LRFN2: variants seen among roughly 807,000 people sequenced by gnomAD.
LRFN2 encodes leucine rich repeat and fibronectin type III domain containing 2.
In LRFN2, 18 loss-of-function variants were observed where a neutral mutation model predicts 37.3. The observed-to-expected ratio is 0.48, with a 90% confidence interval of 0.33 to 0.72. LRFN2 has a LOEUF of 0.72. LRFN2 is among the 30% of genes least tolerant of loss of function. The probability of loss-of-function intolerance (pLI) is 0.02; values close to 1 mark genes in which losing one functional copy is unlikely to be tolerated. For missense variants in LRFN2, 1,006 were observed against 1,060.7 expected (o/e 0.95, Z 0.72); for synonymous variants, 556 against 466.6 (o/e 1.19, Z -2.47).
At chr6:40,446,936 GA>G (rs1457360505) in intron 1 of LRFN2, among the ~76,000 whole-genome samples, 3 of 31,122 alleles carry the variant, frequency 9.6e-5, no homozygotes, top group African/African-American at 2.1e-4. Flanking sequence ...CCTGAGGATG[GA>G]GCTGTGTCTC....
At chr6:40,468,211 G>T (rs1764516290) in intron 1 of LRFN2, among the ~76,000 whole-genome samples, 1 of 152,046 alleles carries the variant, frequency 6.6e-6, no homozygotes, top group South Asian at 2.1e-4. Flanking sequence ...GAAGCAATTG[G>T]TGAACAAGTC....
At chr6:40,469,585 T>C (rs1257413105) in intron 1 of LRFN2, among the ~76,000 whole-genome samples, 1 of 152,174 alleles carries the variant, frequency 6.6e-6, no homozygotes. Flanking sequence ...CCATTGCATT[T>C]CTCAGGCTCT....
At chr6:40,563,983 T>G (rs11753423) in intron 1 of LRFN2, among the ~76,000 whole-genome samples, 6,050 of 152,084 alleles carry the variant, frequency 0.04, 149 homozygotes, top group African/African-American at 0.053. Flanking sequence ...GTCCAGGCAC[T>G]GGGCTAAGTG....
intron 1 of LRFN2, among the ~76,000 whole-genome samples, chr6:40,572,251 G>A (rs1314278798): frequency 6.6e-6 from 1 of 152,178 alleles, no homozygotes; most frequent in Non-Finnish European, 1.5e-5. Flanking sequence ...CAATAAATTA[G>A]ATAATAAGTA....
At chr6:40,407,936 G>GTGAAGCATTT (rs1762882661) in intron 2 of LRFN2, 1 of 152,256 alleles carries the variant, frequency 6.6e-6, no homozygotes, top group Non-Finnish European at 1.5e-5. Flanking sequence ...CAGCAAATTT[G>GTGAAGCATTT]TGAAGCATTT....
rs1221138246 is a variant in LRFN2, at chr6:40,432,259, C to T, written c.855G>A (p.Val285=). Residue 285 remains valine (V), a synonymous_variant, in exon 2 of 3, where the codon GTG becomes GTA. Coordinates refer to ENST00000338305, the MANE Select transcript of LRFN2 (RefSeq NM_020737.3). ...YFWHVREEEF[V]CEPPLITQHT... ...GCTGGGTGATGAGAGGCGGCTCGCACACAAACTCCTCCTCACGCACATGCC... is the reference window on the plus strand; with the variant it reads ...GCTGGGTGATGAGAGGCGGCTCGCATACAAACTCCTCCTCACGCACATGCC... The T allele has an allele frequency of 6.2e-6, 10 of 1,614,026 alleles. 1 individual carries two copies. Among genetic ancestry groups the T allele is most frequent in the South Asian group, 4.4e-5 (4 of 91,074 alleles).
intron 1 of LRFN2, among the ~76,000 whole-genome samples, chr6:40,574,837 A>T (rs1767248269): frequency 6.6e-6 from 1 of 152,096 alleles, no homozygotes; most frequent in Non-Finnish European, 1.5e-5. Context: ...GGCTCCTTGG[A>T]GTCATGGGAC....
chr6:40,402,376 T>C (rs1400006884), intron 2 of LRFN2, among the ~76,000 whole-genome samples: 1 of 152,184 alleles, frequency 6.6e-6, no homozygotes, highest in East Asian at 1.9e-4. Context: ...CTGTATTACA[T>C]TGAATTGAAT....
intron 1 of LRFN2, among the ~76,000 whole-genome samples, chr6:40,497,396 C>T (rs924252530): frequency 6.6e-6 from 1 of 152,132 alleles, no homozygotes; most frequent in Non-Finnish European, 1.5e-5. Context: ...CTGCTCTGCC[C>T]CCCATTCTCT....
intron 1 of LRFN2, among the ~76,000 whole-genome samples, chr6:40,436,059 G>T (rs1436742505): frequency 6.6e-6 from 1 of 151,914 alleles, no homozygotes; most frequent in Non-Finnish European, 1.5e-5. Flanking sequence ...AAAAGAAACA[G>T]GTGAAATTAA....
chr6:40,560,107 A>G (rs942173251), intron 1 of LRFN2, among the ~76,000 whole-genome samples: 1 of 152,210 alleles, frequency 6.6e-6, no homozygotes, highest in Non-Finnish European at 1.5e-5. Context: ...TTTGAGAACT[A>G]TTCATTTCTA....
intron 1 of LRFN2, among the ~76,000 whole-genome samples, chr6:40,542,555 G>C (rs1038031419): frequency 6.6e-6 from 1 of 151,998 alleles, no homozygotes; most frequent in African/African-American, 2.4e-5. Flanking sequence ...TGGTCTCCAG[G>C]AGAGCAACCA....
At chr6:40,446,338 G>A (rs1763969313) in intron 1 of LRFN2, among the ~76,000 whole-genome samples, 1 of 152,242 alleles carries the variant, frequency 6.6e-6, no homozygotes, top group African/African-American at 2.4e-5. Flanking sequence ...CAAGGCAAAA[G>A]TGGCTAGGGC....
intron 2 of LRFN2, among the ~76,000 whole-genome samples, chr6:40,398,207 C>T (rs1309100305): frequency 1.3e-5 from 2 of 151,746 alleles, no homozygotes; most frequent in Admixed American, 6.6e-5. Context: ...GGGCTCCACC[C>T]ACCAGATGCC....
In LRFN2 at chr6:40,522,914, G is replaced by T. The variant is rs979137406; in HGVS notation, c.-19+64027C>A. ...ACTGGGGCTGAGTGTAAGGTGCAGGGCCTGCAGTGGATGTGAATGCACCTG... is the reference window on the plus strand; with the variant it reads ...ACTGGGGCTGAGTGTAAGGTGCAGGTCCTGCAGTGGATGTGAATGCACCTG... On this transcript the variant is annotated intron_variant, in intron 1 of 2. Transcript: ENST00000338305. Among the ~76,000 whole-genome samples, 4 of 152,212 alleles carry T rather than the reference G, an allele frequency of 2.6e-5. No individual in the cohort carries two copies. The South Asian group carries it at 8.3e-4, about 32-fold the overall frequency.
chr6:40,424,122 A>T (rs1763292254), intron 2 of LRFN2, among the ~76,000 whole-genome samples: 1 of 152,170 alleles, frequency 6.6e-6, no homozygotes, highest in Non-Finnish European at 1.5e-5. Flanking sequence ...TTACCTGGTG[A>T]CATGTAAACC....
chr6:40,468,554 A>G (rs1284661749), intron 1 of LRFN2, among the ~76,000 whole-genome samples: 2 of 152,124 alleles, frequency 1.3e-5, no homozygotes, highest in Non-Finnish European at 2.9e-5. Context: ...TACTAAAGAA[A>G]ACTGTAATAA....
At chr6:40,441,270 C>T (rs1763828210) in intron 1 of LRFN2, among the ~76,000 whole-genome samples, 1 of 152,114 alleles carries the variant, frequency 6.6e-6, no homozygotes, top group South Asian at 2.1e-4. Context: ...GAGGGAGGCC[C>T]ATGCATGGAT....
At chr6:40,413,109 G>A (rs1214459989) in intron 2 of LRFN2, among the ~76,000 whole-genome samples, 1 of 152,180 alleles carries the variant, frequency 6.6e-6, no homozygotes, top group Non-Finnish European at 1.5e-5. Flanking sequence ...CCACCCAGTG[G>A]GTGATGGGAC....
Sources: allele counts gnomAD v4.1 joint callset (sites outside exome capture counted in the v4.1 genomes callset), GRCh38; gene constraint gnomAD v4.1.1; transcripts MANE v1.5; gene names NCBI Gene and HGNC (gene_info 2026-07-23, HGNC 2026-07-21).